Variants in FAAH2 observed in about 807,000 individuals in gnomAD.
FAAH2 encodes fatty acid amide hydrolase 2, also known as fatty-acid amide hydrolase 2.
Under a neutral mutation model 36.9 loss-of-function variants are expected in FAAH2, and 60 were observed. The observed-to-expected ratio is 1.63, with a 90% CI of 1.32 to 2.02. The LOEUF (loss-of-function observed/expected upper bound fraction) is 2.02. Among genes scored for constraint, FAAH2 ranks in the 30% most tolerant of loss-of-function variants. The probability of loss-of-function intolerance (pLI) is 0.00; values close to 1 mark genes in which losing one functional copy is unlikely to be tolerated. For synonymous variants in FAAH2, 214 were observed against 143.8 expected, an observed-to-expected ratio of 1.49 and a Z score of -3.49; for missense variants, 689 against 397.5, an observed-to-expected ratio of 1.73 and a Z score of -6.23.
intron 2 of FAAH2, among the ~76,000 whole-genome samples, chrX:57,310,083 C>T (rs1229540179): frequency 1.8e-5 from 2 of 112,167 alleles, no homozygotes; most frequent in East Asian, 5.6e-4. Context: ...GTAGCCTCGG[C>T]AGCATCTGTT....
At chrX:57,314,305 C>T (rs187816459) in intron 3 of FAAH2, among the ~76,000 whole-genome samples, 34 of 111,107 alleles carry the variant, frequency 3.1e-4, no homozygotes, top group East Asian at 2.8e-3. Context: ...TTTCAAAACC[C>T]CACTGACAGT....
At chrX:57,461,882 C>T (rs1215721630) in intron 10 of FAAH2, among the ~76,000 whole-genome samples, 2 of 109,783 alleles carry the variant, frequency 1.8e-5, no homozygotes, top group Non-Finnish European at 3.8e-5. Context: ...AAAAGATTAA[C>T]AAAATACATA....
intron 7 of FAAH2, chrX:57,392,574 T>G (rs1343104687): frequency 1.2e-6 from 1 of 821,002 alleles, no homozygotes; most frequent in Non-Finnish European, 1.8e-6. Context: ...ACTTCCTAAC[T>G]CCCAGTGGGC....
chrX:57,192,877 C>T, the FAAH2 span, among the ~76,000 whole-genome samples: 1 of 112,161 alleles, frequency 8.9e-6, no homozygotes, highest in Non-Finnish European at 1.9e-5. Flanking sequence ...CCTGTCTTTA[C>T]TTTAATCTCT....
chrX:57,455,494 A>G (rs1277477555), intron 10 of FAAH2, among the ~76,000 whole-genome samples: 1 of 111,200 alleles, frequency 9.0e-6, no homozygotes, highest in South Asian at 3.8e-4. Flanking sequence ...CTTAAAATGC[A>G]TAGAGTGGCA....
At chrX:57,383,017 T>C (rs1287298874) in intron 7 of FAAH2, among the ~76,000 whole-genome samples, 1 of 111,041 alleles carries the variant, frequency 9.0e-6, no homozygotes, top group Admixed American at 9.6e-5. Context: ...CAAGGCTGGT[T>C]TAACATACGC....
intron 3 of FAAH2, among the ~76,000 whole-genome samples, chrX:57,322,195 G>C (rs1323710682): frequency 1.8e-5 from 2 of 111,589 alleles, no homozygotes; most frequent in Non-Finnish European, 3.8e-5. Context: ...GTAGAGACGG[G>C]GTTTCACCGT....
the FAAH2 span, among the ~76,000 whole-genome samples, chrX:57,125,072 T>G: frequency 3.5e-5 from 4 of 112,875 alleles, no homozygotes; most frequent in African/African-American, 1.3e-4. Flanking sequence ...AGGGCATCCC[T>G]GTCTTGTGCC....
At chrX:57,363,721 T>A (rs1361526676) in intron 5 of FAAH2, among the ~76,000 whole-genome samples, 1 of 111,129 alleles carries the variant, frequency 9.0e-6, no homozygotes, top group Non-Finnish European at 1.9e-5. Context: ...TGGTTCTTAT[T>A]ATTTTGAGGT....
chrX:57,169,869 AACACAC>A, the FAAH2 span, among the ~76,000 whole-genome samples: 4 of 101,701 alleles, frequency 3.9e-5, no homozygotes, highest in Middle Eastern at 5.1e-3. Flanking sequence ...TCTCCTTCTA[AACACAC>A]ACACACACAC....
chrX:57,434,085 T>A (rs897635025), intron 8 of FAAH2, among the ~76,000 whole-genome samples: 4 of 94,387 alleles, frequency 4.2e-5, no homozygotes, highest in Non-Finnish European at 6.1e-5. Flanking sequence ...TTAAATTGAT[T>A]TTTTTTTTTT....
intron 8 of FAAH2, among the ~76,000 whole-genome samples, chrX:57,445,588 C>T (rs768588152): frequency 1.8e-5 from 2 of 111,749 alleles, no homozygotes; most frequent in Non-Finnish European, 3.8e-5. Flanking sequence ...CAGTCAATTC[C>T]CTTCTCACTA....
chrX:57,299,857 T>C (rs2146833840), intron 2 of FAAH2, among the ~76,000 whole-genome samples: 1 of 111,586 alleles, frequency 9.0e-6, no homozygotes, highest in East Asian at 2.8e-4. Context: ...CCATTCACAA[T>C]TGCTTCAAAG....
At chrX:57,422,775 A>T (rs1171391299) in intron 7 of FAAH2, among the ~76,000 whole-genome samples, 3 of 112,014 alleles carry the variant, frequency 2.7e-5, no homozygotes, top group Non-Finnish European at 3.8e-5. Flanking sequence ...GCTGGAAATG[A>T]TTATGGATTA....
At chrX:57,309,648 C>T (rs755120488) in intron 2 of FAAH2, among the ~76,000 whole-genome samples, 2 of 111,216 alleles carry the variant, frequency 1.8e-5, no homozygotes, top group South Asian at 3.8e-4. Flanking sequence ...TTGTTTCCCT[C>T]CCTGTGTCCA....
rs982075925 is a variant in FAAH2 at position 57,423,008 on chromosome X, C to A, written c.997-8910C>A. ...TGTGTAAGAGGGGGAGAGAATTTCT[C>A]TCTGATACATATTTTCATTGGGGAA... is the stretch of plus-strand genomic sequence containing the variant. On this transcript the variant is annotated intron_variant, in intron 7 of 10. Transcript: ENST00000374900. Among the ~76,000 whole-genome samples, 6 of 111,754 alleles carry A rather than the reference C, an allele frequency of 5.4e-5. 1 individual carries two copies. The highest frequency in any genetic ancestry group is 1.9e-4 in the African/African-American group (6 of 30,790).
chrX:57,422,503 T>C (rs1218373921), intron 7 of FAAH2, among the ~76,000 whole-genome samples: 1 of 112,292 alleles, frequency 8.9e-6, no homozygotes, highest in Non-Finnish European at 1.9e-5. Context: ...ATTCAAATTA[T>C]GCACTGCAGA....
At chrX:57,370,939 C>A (rs2054534946) in intron 5 of FAAH2, among the ~76,000 whole-genome samples, 1 of 111,412 alleles carries the variant, frequency 9.0e-6, no homozygotes, top group Non-Finnish European at 1.9e-5. Flanking sequence ...GTTTGGGGAT[C>A]ACTGCTCTAG....
At chrX:57,264,237 A>C in the FAAH2 span, among the ~76,000 whole-genome samples, 2 of 112,179 alleles carry the variant, frequency 1.8e-5, no homozygotes, top group African/African-American at 6.5e-5. Flanking sequence ...AACATGAAAA[A>C]CTTTTGTTTT....
Sources: allele counts gnomAD v4.1 joint callset (sites outside exome capture counted in the v4.1 genomes callset), GRCh38; gene constraint gnomAD v4.1.1; transcripts MANE v1.5; gene names NCBI Gene and HGNC (gene_info 2026-07-23, HGNC 2026-07-21).